TENM1: variants seen among roughly 807,000 people sequenced by gnomAD.
The protein encoded by TENM1 is teneurin-1.
Under a neutral mutation model 174.8 loss-of-function variants are expected in TENM1, and 35 were observed. The ratio of observed to expected loss-of-function variants is 0.20; its 90% CI spans 0.15 to 0.27. TENM1 has a LOEUF of 0.27. Ranked by LOEUF, TENM1 falls within the 10% of genes least tolerant of loss-of-function variation. TENM1 has a pLI of 1.00. For missense variants in TENM1, 1,633 were observed against 2,130.1 expected, an observed-to-expected ratio of 0.77 and a Z score of 4.59; for synonymous variants, 781 against 798.7, an observed-to-expected ratio of 0.98 and a Z score of 0.37.
intron 15 of TENM1, among the ~76,000 whole-genome samples, chrX:124,544,470 G>C (rs1260321013): frequency 1.8e-5 from 2 of 112,293 alleles, no homozygotes; most frequent in Non-Finnish European, 3.8e-5. Flanking sequence ...ACATGTAAAA[G>C]TTTAGCATGA....
intron 10 of TENM1, among the ~76,000 whole-genome samples, chrX:124,642,230 A>T (rs1181099577): frequency 2.7e-5 from 3 of 112,421 alleles, no homozygotes; most frequent in Non-Finnish European, 5.6e-5. Flanking sequence ...AAAGGAAACC[A>T]CACATGTGCT....
intron 18 of TENM1, among the ~76,000 whole-genome samples, chrX:124,511,782 A>G (rs1245855693): frequency 8.9e-6 from 1 of 112,096 alleles, no homozygotes; most frequent in Non-Finnish European, 1.9e-5. Flanking sequence ...AAATTTATGA[A>G]CGCTAAAGCA....
At chrX:124,471,416 G>A (rs1279541709) in intron 22 of TENM1, among the ~76,000 whole-genome samples, 3 of 22,008 alleles carry the variant, frequency 1.4e-4, no homozygotes, top group South Asian at 4.5e-3. Flanking sequence ...ATAATATATA[G>A]TAATATATTA....
intron 3 of TENM1, among the ~76,000 whole-genome samples, chrX:124,844,811 T>G (rs2147375174): frequency 8.9e-6 from 1 of 111,824 alleles, no homozygotes; most frequent in South Asian, 3.7e-4. Flanking sequence ...ATGGTATTTA[T>G]TTTAATATAT....
At chrX:124,818,530 C>CTA (rs765147461) in intron 3 of TENM1, among the ~76,000 whole-genome samples, 2 of 111,638 alleles carry the variant, frequency 1.8e-5, no homozygotes, top group Non-Finnish European at 3.8e-5. Context: ...AATACCATGG[C>CTA]TATATATATC....
At chrX:125,038,405 C>T in the TENM1 span, among the ~76,000 whole-genome samples, 5 of 109,783 alleles carry the variant, frequency 4.6e-5, no homozygotes. Flanking sequence ...TAATGCCAAA[C>T]CTCATTGATA....
At chrX:124,651,665 A>T (rs2051313514) in intron 8 of TENM1, among the ~76,000 whole-genome samples, 1 of 111,766 alleles carries the variant, frequency 8.9e-6, no homozygotes, top group South Asian at 3.8e-4. Context: ...TTGAGAGCAC[A>T]TAAAAAGATG....
chrX:124,570,469 C>T (rs1033101579), intron 11 of TENM1, among the ~76,000 whole-genome samples: 6 of 111,192 alleles, frequency 5.4e-5, no homozygotes, highest in Admixed American at 9.6e-5. Context: ...ATTAACATAG[C>T]AAATCTAGCA....
At chrX:124,904,876 T>C (rs1419491207) in intron 1 of TENM1, among the ~76,000 whole-genome samples, 1 of 112,018 alleles carries the variant, frequency 8.9e-6, no homozygotes, top group African/African-American at 3.2e-5. Context: ...ACTTCTTTTG[T>C]CATTCTCATC....
chrX:124,910,508 T>C (rs2057819080), intron 1 of TENM1, among the ~76,000 whole-genome samples: 1 of 111,990 alleles, frequency 8.9e-6, no homozygotes, highest in Admixed American at 9.4e-5. Context: ...CTCCATTTGG[T>C]CCCCAAATCA....
chrX:124,559,243 C>T (rs1490408357), intron 14 of TENM1, among the ~76,000 whole-genome samples: 1 of 111,711 alleles, frequency 9.0e-6, no homozygotes, highest in Non-Finnish European at 1.9e-5. Flanking sequence ...TATTATTATA[C>T]CAAATCCTTT....
At chrX:124,776,682 A>G (rs1211792648) in intron 3 of TENM1, among the ~76,000 whole-genome samples, 1 of 111,981 alleles carries the variant, frequency 8.9e-6, no homozygotes, top group African/African-American at 3.2e-5. Context: ...TAAATATTTC[A>G]TAACAGGAAA....
chrX:124,567,705 T>C (rs2148179829), intron 11 of TENM1, among the ~76,000 whole-genome samples: 1 of 111,714 alleles, frequency 9.0e-6, no homozygotes, highest in East Asian at 2.8e-4. Context: ...GTAGCTCAGG[T>C]AGAATTATCC....
At chrX:124,552,114 A>G (rs2048586968) in intron 14 of TENM1, among the ~76,000 whole-genome samples, 1 of 112,081 alleles carries the variant, frequency 8.9e-6, no homozygotes, top group African/African-American at 3.2e-5. Flanking sequence ...CACCATTTGG[A>G]CAGGGGTTGG....
At chrX:124,604,097 T>C (rs2050094019) in intron 11 of TENM1, among the ~76,000 whole-genome samples, 1 of 111,159 alleles carries the variant, frequency 9.0e-6, no homozygotes, top group Admixed American at 9.6e-5. Context: ...GTCAATTTAT[T>C]CAGTCTACAT....
chrX:125,083,913 T>C, the TENM1 span, among the ~76,000 whole-genome samples: 2 of 110,540 alleles, frequency 1.8e-5, no homozygotes, highest in African/African-American at 6.6e-5. Flanking sequence ...TATTGACATA[T>C]TGTCATAATT....
At chrX:125,078,220 C>A in the TENM1 span, among the ~76,000 whole-genome samples, 8 of 111,576 alleles carry the variant, frequency 7.2e-5, no homozygotes, top group African/African-American at 2.3e-4. Context: ...TCTTTCTGCA[C>A]AAATATGGGT....
At chrX:124,409,891 C>T (rs1235747814) in intron 25 of TENM1, among the ~76,000 whole-genome samples, 1 of 108,234 alleles carries the variant, frequency 9.2e-6, no homozygotes, top group African/African-American at 3.4e-5. Flanking sequence ...AATGGAAGAA[C>T]ATTCCACGCT....
the TENM1 span, among the ~76,000 whole-genome samples, chrX:125,024,032 C>T: frequency 8.9e-6 from 1 of 111,936 alleles, no homozygotes; most frequent in Non-Finnish European, 1.9e-5. Flanking sequence ...AATAAAATAT[C>T]ACTTTACACC....
Sources: allele counts gnomAD v4.1 joint callset (sites outside exome capture counted in the v4.1 genomes callset), GRCh38; gene constraint gnomAD v4.1.1; transcripts MANE v1.5; gene names NCBI Gene and HGNC (gene_info 2026-07-23, HGNC 2026-07-21).